Variants in ERC2 observed in about 807,000 individuals in gnomAD.
ERC2 encodes ERC protein 2.
A neutral mutation model predicts 114.8 loss-of-function variants in ERC2; 42 were observed. The ratio of observed to expected loss-of-function variants is 0.37; its 90% CI spans 0.29 to 0.47. The LOEUF is 0.47. Ranked by LOEUF, ERC2 falls within the 20% of genes least tolerant of loss-of-function variation. The probability of loss-of-function intolerance (pLI) is 0.99; values close to 1 mark genes in which losing one functional copy is unlikely to be tolerated. For synonymous variants in ERC2, 454 were observed against 425.5 expected (o/e 1.07, Z -0.82); for missense variants, 939 against 1,150.7 (o/e 0.82, Z 2.66).
At chr3:55,688,025 T>C (rs2062427295) in intron 16 of ERC2, among the ~76,000 whole-genome samples, 1 of 152,238 alleles carries the variant, frequency 6.6e-6, no homozygotes, top group Non-Finnish European at 1.5e-5. Context: ...GAATGCTTAG[T>C]CCATGGATGA....
chr3:55,790,642 A>G (rs2069929023), intron 14 of ERC2, among the ~76,000 whole-genome samples: 1 of 152,202 alleles, frequency 6.6e-6, no homozygotes. Flanking sequence ...CAGATAAGCT[A>G]CTTGTATTCA....
At chr3:55,633,467 A>G (rs1251347065) in intron 17 of ERC2, among the ~76,000 whole-genome samples, 2 of 152,130 alleles carry the variant, frequency 1.3e-5, no homozygotes, top group African/African-American at 4.8e-5. Context: ...AGGTTCTGAA[A>G]AGGTGGAAAA....
intron 14 of ERC2, among the ~76,000 whole-genome samples, chr3:55,879,098 A>AATTTTTTT (rs993829810): frequency 9.7e-5 from 2 of 20,724 alleles, no homozygotes; most frequent in Non-Finnish European, 1.9e-4. Flanking sequence ...TCTTTTTCTT[A>AATTTTTTT]ATTTTTTTTT....
chr3:56,287,542 G>A (rs1247926129), intron 3 of ERC2, among the ~76,000 whole-genome samples: 1 of 152,168 alleles, frequency 6.6e-6, no homozygotes, highest in Non-Finnish European at 1.5e-5. Context: ...CGGATTTATA[G>A]TCCCCAATTC....
intron 13 of ERC2, among the ~76,000 whole-genome samples, chr3:55,926,715 C>T (rs1343116264): frequency 6.6e-6 from 1 of 152,114 alleles, no homozygotes; most frequent in Non-Finnish European, 1.5e-5. Context: ...ATCATGGCCT[C>T]TTCCTGCCAG....
chr3:56,222,330 A>C (rs1376325956), intron 3 of ERC2, among the ~76,000 whole-genome samples: 1 of 152,148 alleles, frequency 6.6e-6, no homozygotes, highest in African/African-American at 2.4e-5. Context: ...TCCACACTAC[A>C]TTCCTCTTAG....
At chr3:56,138,051 CTTTT>C (rs920983143) in intron 6 of ERC2, among the ~76,000 whole-genome samples, 4 of 92,672 alleles carry the variant, frequency 4.3e-5, no homozygotes, top group African/African-American at 1.2e-4. Context: ...AATGGTATTT[CTTTT>C]TTTTTTTTTT....
At chr3:56,186,249 A>G (rs551907721) in intron 3 of ERC2, among the ~76,000 whole-genome samples, 145 of 152,120 alleles carry the variant, frequency 9.5e-4, no homozygotes, top group African/African-American at 3.3e-3. Flanking sequence ...GAGCTAATAA[A>G]TCTGTGTTGT....
At chr3:56,055,159 G>A (rs530283962) in intron 7 of ERC2, among the ~76,000 whole-genome samples, 2 of 152,314 alleles carry the variant, frequency 1.3e-5, no homozygotes, top group Admixed American at 1.3e-4. Context: ...CTGCTCAACA[G>A]TTTGCCTCTT....
intron 4 of ERC2, among the ~76,000 whole-genome samples, chr3:56,171,179 C>T (rs191020285): frequency 1.3e-5 from 2 of 152,286 alleles, no homozygotes; most frequent in East Asian, 1.9e-4. Flanking sequence ...AGGGTCAGTT[C>T]GATTTGGTAG....
At chr3:56,407,509 A>G (rs149101092) in intron 2 of ERC2, among the ~76,000 whole-genome samples, 1 of 152,332 alleles carries the variant, frequency 6.6e-6, no homozygotes, top group Non-Finnish European at 1.5e-5. Context: ...AAGAATCAGA[A>G]ACCTATTCTT....
chr3:56,434,978 A>G lies in ERC2; in HGVS notation c.30T>C (p.Asn10=). 1 of 1,611,936 alleles carries G rather than the reference A, an allele frequency of 6.2e-7. No individual in the cohort carries two copies. The highest frequency in any genetic ancestry group is 8.5e-7 in the Non-Finnish European group (1 of 1,179,708). The change falls in exon 2 of 18, where the codon AAT becomes AAC. Residue 10 remains asparagine (N), a synonymous_variant. Transcript: ENST00000288221. MYGSARTIT[N]LEGSPSRSPR... is the part of the protein sequence containing the mutation. ...GGGATCTGGAAGGGCTACCTTCCAG[A>G]TTGGTGATTGTTCTTGCACTTCCAT...
At chr3:55,794,080 A>G (rs1374036540) in intron 14 of ERC2, among the ~76,000 whole-genome samples, 1 of 152,182 alleles carries the variant, frequency 6.6e-6, no homozygotes, top group Non-Finnish European at 1.5e-5. Context: ...TCTGAGTTGC[A>G]CTTTAATGTT....
At chr3:56,257,347 A>C (rs1021797232) in intron 3 of ERC2, among the ~76,000 whole-genome samples, 1 of 152,242 alleles carries the variant, frequency 6.6e-6, no homozygotes, top group Non-Finnish European at 1.5e-5. Flanking sequence ...TTTGGTTTAT[A>C]ATACACATTA....
chr3:56,147,500 T>C (rs1478758869), intron 5 of ERC2, among the ~76,000 whole-genome samples: 1 of 152,214 alleles, frequency 6.6e-6, no homozygotes, highest in Non-Finnish European at 1.5e-5. Context: ...CACGTTGTGA[T>C]GAAGTAAACA....
intron 1 of ERC2, among the ~76,000 whole-genome samples, chr3:56,445,176 A>G (rs1399467537): frequency 6.6e-6 from 1 of 152,202 alleles, no homozygotes; most frequent in Non-Finnish European, 1.5e-5. Flanking sequence ...TGCCCCTTCA[A>G]GAGAGGACAT....
intron 17 of ERC2, among the ~76,000 whole-genome samples, chr3:55,666,376 G>T (rs1052062234): frequency 6.6e-6 from 1 of 152,158 alleles, no homozygotes; most frequent in African/African-American, 2.4e-5. Flanking sequence ...CACACACATG[G>T]ACATTTTCAA....
At chr3:56,395,006 C>T (rs1163033174) in intron 2 of ERC2, among the ~76,000 whole-genome samples, 1 of 151,412 alleles carries the variant, frequency 6.6e-6, no homozygotes, top group Non-Finnish European at 1.5e-5. Context: ...CAGATACATG[C>T]TCTAACATGG....
At chr3:56,056,431 T>C (rs912993491) in intron 7 of ERC2, among the ~76,000 whole-genome samples, 3 of 152,144 alleles carry the variant, frequency 2.0e-5, no homozygotes, top group African/African-American at 7.2e-5. Flanking sequence ...AAGTTACAAC[T>C]CAGTGGCCTC....
Sources: gnomAD v4.1 joint callset for allele counts (sites outside exome capture counted in the v4.1 genomes callset) on GRCh38, gnomAD v4.1.1 for gene constraint, MANE v1.5 for transcripts, NCBI Gene and HGNC (gene_info 2026-07-23, HGNC 2026-07-21) for gene names.